Variants in THSD7B observed in about 807,000 individuals in gnomAD.
THSD7B encodes the protein thrombospondin type-1 domain-containing protein 7B.
Under a neutral mutation model 213.6 loss-of-function variants are expected in THSD7B, and 138 were observed. The ratio of observed to expected loss-of-function variants is 0.65; its 90% CI spans 0.56 to 0.74. THSD7B has a LOEUF of 0.74. THSD7B is among the 30% of genes least tolerant of loss of function. THSD7B has a pLI of 0.00. For missense variants in THSD7B, 1,931 were observed against 1,991.5 expected (o/e 0.97, Z 0.58); for synonymous variants, 742 against 687.0 (o/e 1.08, Z -1.25).
At chr2:136,801,549 T>A (rs1415295044) in intron 1 of THSD7B, among the ~76,000 whole-genome samples, 1 of 152,112 alleles carries the variant, frequency 6.6e-6, no homozygotes, top group Non-Finnish European at 1.5e-5. Context: ...CATGACTACC[T>A]TTTTAAATAA....
intron 2 of THSD7B, among the ~76,000 whole-genome samples, chr2:137,016,680 TATTAAATG>T (rs1686349087): frequency 6.6e-6 from 1 of 152,210 alleles, no homozygotes; most frequent in African/African-American, 2.4e-5. Flanking sequence ...TCTCAGAGAA[TATTAAATG>T]GTATGTGAAG....
At chr2:137,089,407 TACAC>T (rs1217641607) in intron 3 of THSD7B, among the ~76,000 whole-genome samples, 1 of 148,730 alleles carries the variant, frequency 6.7e-6, no homozygotes, top group Admixed American at 6.8e-5. Context: ...TATATACATA[TACAC>T]ACACATATAT....
rs182834610 is a variant in THSD7B at position 137,102,176 on chromosome 2, G to A, written c.1199+7055G>A. 2.3e-4 allele frequency among the ~76,000 whole-genome samples: 35 copies of A among 152,344 alleles called. 1 individual carries two copies. The East Asian group carries it at 5.0e-3, about 22-fold the overall frequency. On this transcript the variant is annotated intron_variant, in intron 4 of 27. Transcript: ENST00000409968. ...CATCTGGTGGGTGCCCCTCTGGGGTGAAGCTTCCAGAGGAAGGAACAGGCA... is the reference window on the plus strand; with the variant it reads ...CATCTGGTGGGTGCCCCTCTGGGGTAAAGCTTCCAGAGGAAGGAACAGGCA...
Position 137,411,661 on chromosome 2 carries a change from G to A in THSD7B, c.2748G>A (p.Val916=). ...KCQDSDLYPL[V]ETELCPCDEF... is the part of the protein sequence containing the mutation. ...AGGATTCTGACCTTTACCCTCTAGT[G>A]GAGACAGAACTATGTCCTTGTGATG... Residue 916 remains valine, a synonymous_variant, in exon 14 of 28, where the codon GTG becomes GTA. Transcript: ENST00000409968. 1.9e-6 allele frequency: 3 copies of A among 1,613,940 alleles called. No individual in the cohort carries two copies. The highest frequency in any genetic ancestry group is 2.5e-6 in the Non-Finnish European group (3 of 1,179,878).
intron 2 of THSD7B, among the ~76,000 whole-genome samples, chr2:136,968,409 T>G (rs1685353945): frequency 6.6e-6 from 1 of 152,138 alleles, no homozygotes; most frequent in Admixed American, 6.5e-5. Context: ...GTTTTGGATT[T>G]CCTTTTGTTG....
intron 3 of THSD7B, among the ~76,000 whole-genome samples, chr2:137,063,239 G>A (rs1219996053): frequency 6.6e-6 from 1 of 151,890 alleles, no homozygotes; most frequent in Non-Finnish European, 1.5e-5. Flanking sequence ...CACTCTGACA[G>A]TCTGTCTTTT....
At chr2:137,288,888 C>T (rs939519725) in intron 12 of THSD7B, among the ~76,000 whole-genome samples, 1 of 151,796 alleles carries the variant, frequency 6.6e-6, no homozygotes, top group Non-Finnish European at 1.5e-5. Context: ...AGGCCTAAGA[C>T]CTAGAGGCAA....
At chr2:137,469,764 A>G (rs1403294364) in intron 15 of THSD7B, among the ~76,000 whole-genome samples, 2 of 152,156 alleles carry the variant, frequency 1.3e-5, no homozygotes, top group African/African-American at 4.8e-5. Flanking sequence ...GTTCTGCTCT[A>G]TTTTACTTTG....
At chr2:137,643,491 G>A (rs61122009) in intron 21 of THSD7B, among the ~76,000 whole-genome samples, 3,659 of 152,246 alleles carry the variant, frequency 0.024, 150 homozygotes, top group African/African-American at 0.083. Flanking sequence ...ATAAAAATGC[G>A]TGGTACATTT....
rs188550367 is a variant in THSD7B, at chr2:137,615,607, G to A, written c.3424-568G>A. ...CATTTTCACATTAATTTTGCCAGAAGGGCAACAGCATGCAGTTGTCCATGC... is the reference window on the plus strand; with the variant it reads ...CATTTTCACATTAATTTTGCCAGAAAGGCAACAGCATGCAGTTGTCCATGC... On this transcript the variant is annotated intron_variant, in intron 17 of 27. Transcript: ENST00000409968. Among the ~76,000 whole-genome samples, 4 of 152,288 alleles carry A rather than the reference G, an allele frequency of 2.6e-5. No individual in the cohort carries two copies. In the East Asian group the frequency reaches 5.8e-4, roughly 22 times the overall value.
At chr2:137,324,465 T>C (rs1461339863) in intron 12 of THSD7B, among the ~76,000 whole-genome samples, 2 of 152,138 alleles carry the variant, frequency 1.3e-5, no homozygotes, top group African/African-American at 4.8e-5. Flanking sequence ...TTCTGTGTGT[T>C]TTATAATTCT....
chr2:136,821,089 T>C (rs1159957897), intron 1 of THSD7B, among the ~76,000 whole-genome samples: 2 of 152,212 alleles, frequency 1.3e-5, no homozygotes, highest in Non-Finnish European at 2.9e-5. Flanking sequence ...TCATTGAATA[T>C]TCTTGCAACC....
At chr2:137,145,890 A>T (rs1426140865) in intron 5 of THSD7B, among the ~76,000 whole-genome samples, 2 of 152,078 alleles carry the variant, frequency 1.3e-5, no homozygotes, top group Non-Finnish European at 2.9e-5. Context: ...AAATCATCTA[A>T]TTTCATTTTT....
At chr2:137,352,427 A>C (rs1573977745) in intron 12 of THSD7B, among the ~76,000 whole-genome samples, 1 of 152,130 alleles carries the variant, frequency 6.6e-6, no homozygotes, top group South Asian at 2.1e-4. Context: ...CTCAAAAGCA[A>C]CTTGGTCATT....
At chr2:136,865,114 TACTGTGA>T (rs1356393034) in intron 1 of THSD7B, among the ~76,000 whole-genome samples, 5 of 152,146 alleles carry the variant, frequency 3.3e-5, no homozygotes, top group Admixed American at 2.6e-4. Flanking sequence ...CCTGGCCAGG[TACTGTGA>T]ATGCTGGTTG....
At chr2:137,297,284 TA>T (rs201199444) in intron 12 of THSD7B, among the ~76,000 whole-genome samples, 1 of 148,552 alleles carries the variant, frequency 6.7e-6, no homozygotes, top group Non-Finnish European at 1.5e-5. Flanking sequence ...ACTCTGTTCC[TA>T]AAAAAAAGAA....
chr2:136,877,530 T>C (rs1040416150), intron 1 of THSD7B, among the ~76,000 whole-genome samples: 5 of 152,196 alleles, frequency 3.3e-5, no homozygotes, highest in African/African-American at 1.2e-4. Context: ...GTGTAGAAAT[T>C]TGAAGAAAAG....
At chr2:137,074,985 G>A (rs1687587890) in intron 3 of THSD7B, among the ~76,000 whole-genome samples, 1 of 152,180 alleles carries the variant, frequency 6.6e-6, no homozygotes, top group African/African-American at 2.4e-5. Context: ...CCCTTTGTGA[G>A]TAACCCGACC....
At position 137,056,667 on chromosome 2, in the gene THSD7B, A is replaced by G. The variant is rs372095397; in HGVS notation, c.387A>G (p.Ala129=). ...GCGGTGAAGTCAAGCCTCGGACTGCAGAGTGTGTGACGGCTCAGCATGGAC... is the reference window on the plus strand; with the variant it reads ...GCGGTGAAGTCAAGCCTCGGACTGCGGAGTGTGTGACGGCTCAGCATGGAC... ...YARGEVKPRT[A]ECVTAQHGLQ... is the part of the protein sequence containing the mutation. The change falls in exon 3 of 28, where the codon GCA becomes GCG. Residue 129 remains alanine (A), a synonymous_variant. Coordinates refer to ENST00000409968, the MANE Select transcript of THSD7B (RefSeq NM_001316349.2). 1.7e-5 allele frequency: 27 copies of G among 1,613,858 alleles called. No homozygotes were observed. In the African/African-American group the frequency reaches 2.4e-4, roughly 14 times the overall value.
Sources: gnomAD v4.1 joint callset for allele counts (sites outside exome capture counted in the v4.1 genomes callset) on GRCh38, gnomAD v4.1.1 for gene constraint, MANE v1.5 for transcripts, NCBI Gene and HGNC (gene_info 2026-07-23, HGNC 2026-07-21) for gene names.